Variants in GPR137B observed in about 807,000 individuals in gnomAD.
GPR137B encodes G protein-coupled receptor 137B.
Under a neutral mutation model 42.5 loss-of-function variants are expected in GPR137B, and 42 were observed. The observed-to-expected ratio is 0.99, with a 90% CI of 0.77 to 1.28. GPR137B has a LOEUF of 1.28. Among genes scored for constraint, GPR137B ranks in the 50% most tolerant of loss-of-function variants. The probability of loss-of-function intolerance (pLI) is 0.00; values close to 1 mark genes in which losing one functional copy is unlikely to be tolerated. For missense variants in GPR137B, 487 were observed against 493.9 expected (o/e 0.99, Z 0.13); for synonymous variants, 218 against 209.7 (o/e 1.04, Z -0.34).
At chr1:236,143,488 C>T (rs1245149664) in intron 1 of GPR137B, among the ~76,000 whole-genome samples, 1 of 152,244 alleles carries the variant, frequency 6.6e-6, no homozygotes, top group Non-Finnish European at 1.5e-5. Flanking sequence ...AGATTTGGGC[C>T]TGACACTGCT....
intron 1 of GPR137B, among the ~76,000 whole-genome samples, chr1:236,151,417 CATTTTTTTT>C (rs1661858186): frequency 7.9e-6 from 1 of 126,570 alleles, no homozygotes; most frequent in African/African-American, 3.0e-5. Flanking sequence ...GTTGCATATT[CATTTTTTTT>C]TTTTTTTTTT....
At chr1:236,179,619 G>A (rs531124067) in intron 3 of GPR137B, among the ~76,000 whole-genome samples, 4 of 152,186 alleles carry the variant, frequency 2.6e-5, no homozygotes, top group Non-Finnish European at 5.9e-5. Flanking sequence ...TTTCTTGCTC[G>A]TACACTCTAG....
intron 4 of GPR137B, among the ~76,000 whole-genome samples, chr1:236,183,339 TAGG>T (rs1662935185): frequency 6.6e-6 from 1 of 152,174 alleles, no homozygotes; most frequent in Admixed American, 6.5e-5. Flanking sequence ...CCCAAGAATT[TAGG>T]AGGAGGCAAC....
chr1:236,150,474 C>T lies in GPR137B; in HGVS notation c.414+7438C>T, dbSNP rs1326089492. On this transcript the variant is annotated intron_variant, in intron 1 of 6. Transcript: ENST00000366592. The surrounding 1 kb of genome is among the most constrained non-coding windows in gnomAD (Gnocchi z 6.2). ...GAGCCATGGCAGCGTGCTCTTCTCT[C>T]TGCAGCTGAGGCTGTGACCGCATCA... Among the ~76,000 whole-genome samples the T allele has an allele frequency of 1.3e-5, 2 of 152,230 alleles. No individual in the cohort carries two copies. The highest frequency in any genetic ancestry group is 4.8e-5 in the African/African-American group (2 of 41,462).
In GPR137B at chr1:236,179,900, A is replaced by T. The variant is rs1662816096; in HGVS notation, c.709A>T (p.Thr237Ser). 6.3e-7 allele frequency: 1 copy of T among 1,593,148 alleles called. No homozygotes were observed. The highest frequency in any genetic ancestry group is 2.2e-5 in the East Asian group (1 of 44,724). The change falls in exon 4 of 7, where the codon ACT (threonine) becomes TCT (serine). Residue 237 changes from threonine (T) to serine (S), a missense_variant. Thr to Ser is a moderately conservative substitution (Grantham distance 58). Coordinates refer to ENST00000366592, the MANE Select transcript of GPR137B (RefSeq NM_003272.4). ...CCAGGGCTCCTCCGTGTGTCAAGTG[A>T]CTGCCATCGGTGTCACCGTGATACT... Reference protein sequence around the residue: ...ESKGSSVCQVTAIGVTVILLY... With the variant: ...ESKGSSVCQVSAIGVTVILLY...
intron 5 of GPR137B, among the ~76,000 whole-genome samples, chr1:236,196,407 TG>T (rs1283571144): frequency 1.3e-5 from 2 of 152,326 alleles, no homozygotes; most frequent in East Asian, 3.9e-4. Context: ...CCCAAAGTGC[TG>T]GGATTACAGG....
At chr1:236,189,602 T>G (rs1663131485) in intron 5 of GPR137B, among the ~76,000 whole-genome samples, 1 of 152,228 alleles carries the variant, frequency 6.6e-6, no homozygotes, top group Non-Finnish European at 1.5e-5. Flanking sequence ...AGCAGGTTAT[T>G]CAGTTTCCAT....
intron 2 of GPR137B, among the ~76,000 whole-genome samples, chr1:236,176,580 C>G (rs536505003): frequency 6.6e-6 from 1 of 152,160 alleles, no homozygotes; most frequent in Non-Finnish European, 1.5e-5. Flanking sequence ...CAGGGAGAAG[C>G]CTGCAGTCCT....
At position 236,206,412 on chromosome 1, in the gene GPR137B, C is replaced by T. The variant is rs112593998; in HGVS notation, c.1091+1162C>T. Among the ~76,000 whole-genome samples, 434 of 152,338 alleles carry T rather than the reference C, an allele frequency of 2.8e-3. 1 individual carries two copies. The highest frequency in any genetic ancestry group is 4.4e-3 in the Non-Finnish European group (297 of 68,024). ...ATATAAGTACCCTGTCTCTTAGTCTCACCTACGCTTATGTTATACTTTCAC... is the reference window on the plus strand; with the variant it reads ...ATATAAGTACCCTGTCTCTTAGTCTTACCTACGCTTATGTTATACTTTCAC... On this transcript the variant is annotated intron_variant, in intron 6 of 6. Coordinates refer to ENST00000366592, the MANE Select transcript of GPR137B (RefSeq NM_003272.4).
At chr1:236,192,052 C>T (rs983981084) in intron 5 of GPR137B, among the ~76,000 whole-genome samples, 4 of 152,174 alleles carry the variant, frequency 2.6e-5, no homozygotes, top group African/African-American at 9.7e-5. Flanking sequence ...GCAGTCTGGC[C>T]ACAGTGGCCT....
intron 5 of GPR137B, among the ~76,000 whole-genome samples, chr1:236,201,675 A>G (rs1663498358): frequency 6.6e-6 from 1 of 152,022 alleles, no homozygotes; most frequent in Non-Finnish European, 1.5e-5. Flanking sequence ...TATTTTAAAA[A>G]AGAGTACTTA....
chr1:236,207,223 G>A lies in GPR137B; in HGVS notation c.1092-827G>A, dbSNP rs909614535. On this transcript the variant is annotated intron_variant, in intron 6 of 6. Transcript: ENST00000366592. ...TCCTGGTCAGATAGGATAAAAGATT[G>A]TCGCTGAGAAAAAAGAAGAAAGCTG... 5.1e-6 allele frequency: 5 copies of A among 985,220 alleles called. No homozygotes were observed. The African/African-American group carries it at 8.7e-5, about 17-fold the overall frequency. 61.0% of individuals were successfully genotyped at this position (985,220 alleles called of 1,614,324 possible).
chr1:236,170,346 A>G (rs1395584524), intron 2 of GPR137B, among the ~76,000 whole-genome samples: 1 of 152,214 alleles, frequency 6.6e-6, no homozygotes, highest in African/African-American at 2.4e-5. Flanking sequence ...TGAAGGTGTA[A>G]TAGTTTAATC....
At chr1:236,184,705 A>G (rs10802360) in intron 5 of GPR137B, among the ~76,000 whole-genome samples, 83,126 of 151,892 alleles carry the variant, frequency 0.55, 25,731 homozygotes, top group East Asian at 0.84. Context: ...GGAAGCCGCC[A>G]GGCTTCAAAC....
intron 1 of GPR137B, among the ~76,000 whole-genome samples, chr1:236,153,374 A>G (rs1160928099): frequency 2.0e-5 from 3 of 152,184 alleles, no homozygotes; most frequent in Non-Finnish European, 4.4e-5. Context: ...GAATCATACA[A>G]TGTGTATTCT....
chr1:236,207,390 A>T (rs1254204), intron 6 of GPR137B: 7 of 473,946 alleles, frequency 1.5e-5, no homozygotes, highest in Non-Finnish European at 1.9e-5. Context: ...GTTCTTTTCC[A>T]GTTACCCCAC....
chr1:236,199,406 A>AT (rs1663431925), intron 5 of GPR137B, among the ~76,000 whole-genome samples: 4 of 152,130 alleles, frequency 2.6e-5, no homozygotes, highest in African/African-American at 9.7e-5. Flanking sequence ...GGTTTCATAG[A>AT]ATGATTTAGG....
intron 1 of GPR137B, among the ~76,000 whole-genome samples, chr1:236,153,501 A>T (rs1472681652): frequency 1.3e-5 from 2 of 152,210 alleles, no homozygotes; most frequent in African/African-American, 4.8e-5. Flanking sequence ...GATAGAGACT[A>T]CATTTTATTT....
chr1:236,206,698 A>T (rs930764486), intron 6 of GPR137B, among the ~76,000 whole-genome samples: 8 of 152,230 alleles, frequency 5.3e-5, no homozygotes, highest in African/African-American at 1.7e-4. Flanking sequence ...CAGCATGGGC[A>T]TGGTCTGCAA....
Sources: gnomAD v4.1 joint callset for allele counts (sites outside exome capture counted in the v4.1 genomes callset) on GRCh38, gnomAD v4.1.1 for gene constraint, Gnocchi (gnomAD v3.1) non-coding constraint, MANE v1.5 for transcripts, NCBI Gene and HGNC (gene_info 2026-07-23, HGNC 2026-07-21) for gene names.